PDE4B: variants seen among roughly 807,000 people sequenced by gnomAD.
PDE4B encodes the protein 3',5'-cyclic-AMP phosphodiesterase 4B.
A neutral mutation model predicts 82.2 loss-of-function variants in PDE4B; 20 were observed. That is an observed-to-expected ratio of 0.24 (90% confidence interval 0.17 to 0.35). PDE4B has a LOEUF of 0.35. Ranked by LOEUF, PDE4B falls within the 10% of genes least tolerant of loss-of-function variation. PDE4B has a pLI of 1.00. For missense variants in PDE4B, 655 were observed against 907.2 expected (o/e 0.72, Z 3.57); for synonymous variants, 320 against 318.9 (o/e 1.00, Z -0.04).
At chr1:65,910,639 A>G (rs1245303041) in intron 1 of PDE4B, among the ~76,000 whole-genome samples, 1 of 152,180 alleles carries the variant, frequency 6.6e-6, no homozygotes, top group Non-Finnish European at 1.5e-5. Flanking sequence ...GCTAGCAACA[A>G]TGGGAAGCTG....
At chr1:66,102,470 A>G (rs1374658053) in intron 3 of PDE4B, among the ~76,000 whole-genome samples, 1 of 152,092 alleles carries the variant, frequency 6.6e-6, no homozygotes, top group Admixed American at 6.6e-5. Context: ...TGGTGAAGTG[A>G]GCAGTATTGT....
chr1:65,893,614 T>C (rs1646876390), intron 1 of PDE4B, among the ~76,000 whole-genome samples: 1 of 151,982 alleles, frequency 6.6e-6, no homozygotes, highest in Non-Finnish European at 1.5e-5. Context: ...AAAATAAAAC[T>C]ACCATTCAAT....
At chr1:66,135,484 C>T (rs1201948280) in intron 3 of PDE4B, among the ~76,000 whole-genome samples, 1 of 152,024 alleles carries the variant, frequency 6.6e-6, no homozygotes, top group Non-Finnish European at 1.5e-5. Context: ...AAGAATAGGG[C>T]AATGCTTGGA....
At chr1:66,105,367 G>A (rs538415255) in intron 3 of PDE4B, among the ~76,000 whole-genome samples, 124 of 152,010 alleles carry the variant, frequency 8.2e-4, no homozygotes, top group Admixed American at 2.2e-3. Context: ...TTGAAGTCAG[G>A]TAGCGTGATG....
intron 3 of PDE4B, among the ~76,000 whole-genome samples, chr1:66,033,680 T>A (rs1312248852): frequency 6.7e-6 from 1 of 148,680 alleles, no homozygotes; most frequent in East Asian, 1.9e-4. Flanking sequence ...AAAGGGTAAG[T>A]GTGTCAAGCA....
intron 3 of PDE4B, among the ~76,000 whole-genome samples, chr1:65,929,506 A>G (rs1647710198): frequency 6.6e-6 from 1 of 152,150 alleles, no homozygotes; most frequent in South Asian, 2.1e-4. Context: ...CACTTTCATG[A>G]TAAGAGTTTG....
intron 3 of PDE4B, among the ~76,000 whole-genome samples, chr1:66,217,155 T>C (rs1314697210): frequency 1.3e-5 from 2 of 152,046 alleles, no homozygotes; most frequent in African/African-American, 4.8e-5. Flanking sequence ...CTCTCCCAAG[T>C]GTGTCATTAG....
chr1:65,973,802 G>C (rs1385168683), intron 3 of PDE4B, among the ~76,000 whole-genome samples: 1 of 115,302 alleles, frequency 8.7e-6, no homozygotes, highest in African/African-American at 3.4e-5. Context: ...CATAAATGTA[G>C]CACTGGGTTT....
intron 2 of PDE4B, among the ~76,000 whole-genome samples, chr1:65,917,078 A>G (rs1227277454): frequency 6.6e-6 from 1 of 152,216 alleles, no homozygotes; most frequent in African/African-American, 2.4e-5. Flanking sequence ...TCTTGCATGC[A>G]TCAGATAAGT....
At chr1:66,228,638 A>AAC (rs1553160873) in intron 3 of PDE4B, among the ~76,000 whole-genome samples, 11 of 151,638 alleles carry the variant, frequency 7.3e-5, no homozygotes, top group African/African-American at 2.7e-4. Context: ...AAAAAAAAAA[A>AAC]AAAAACATGC....
intron 3 of PDE4B, among the ~76,000 whole-genome samples, chr1:65,978,965 C>T (rs1230156831): frequency 2.0e-5 from 3 of 152,044 alleles, no homozygotes; most frequent in Non-Finnish European, 4.4e-5. Context: ...TATTTTTGGC[C>T]GTCCAACTCA....
intron 1 of PDE4B, among the ~76,000 whole-genome samples, chr1:65,882,249 G>T (rs764864795): frequency 9.2e-5 from 14 of 152,142 alleles, no homozygotes; most frequent in Non-Finnish European, 1.9e-4. Context: ...GTGTGCATCT[G>T]TTGCTGACTT....
intron 3 of PDE4B, among the ~76,000 whole-genome samples, chr1:66,135,173 TAGC>T (rs1646031795): frequency 6.6e-6 from 1 of 152,206 alleles, no homozygotes; most frequent in African/African-American, 2.4e-5. Flanking sequence ...CATATCAATA[TAGC>T]TGGCACTTAC....
intron 3 of PDE4B, among the ~76,000 whole-genome samples, chr1:65,996,592 G>A (rs1651555686): frequency 6.6e-6 from 1 of 152,028 alleles, no homozygotes; most frequent in Admixed American, 6.6e-5. Flanking sequence ...GTTTCATTTG[G>A]AATATAAGTA....
intron 1 of PDE4B, among the ~76,000 whole-genome samples, chr1:65,878,331 C>T (rs1323932537): frequency 2.0e-5 from 3 of 152,172 alleles, no homozygotes; most frequent in Admixed American, 6.5e-5. Context: ...GGCAATTCCT[C>T]AAGGATCTAG....
chr1:66,348,118 A>G (rs1661546316), intron 8 of PDE4B, among the ~76,000 whole-genome samples: 1 of 152,208 alleles, frequency 6.6e-6, no homozygotes, highest in Admixed American at 6.5e-5. Context: ...TAGAGCTTCT[A>G]GCTGCGAAAT....
intron 3 of PDE4B, among the ~76,000 whole-genome samples, chr1:66,195,292 T>G (rs1262558170): frequency 6.6e-6 from 1 of 152,150 alleles, no homozygotes; most frequent in Non-Finnish European, 1.5e-5. Flanking sequence ...CTTGTGTTCA[T>G]TTCCCTATGT....
chr1:65,876,787 G>A (rs1395578522), intron 1 of PDE4B, among the ~76,000 whole-genome samples: 1 of 151,968 alleles, frequency 6.6e-6, no homozygotes, highest in Non-Finnish European at 1.5e-5. Context: ...TCAAATTAGT[G>A]TGATCATTCA....
At chr1:65,963,907 C>G (rs1649672522) in intron 3 of PDE4B, among the ~76,000 whole-genome samples, 1 of 152,140 alleles carries the variant, frequency 6.6e-6, no homozygotes, top group African/African-American at 2.4e-5. Context: ...TTTACATTTT[C>G]CTCTCTTTTA....
Sources: allele counts gnomAD v4.1 joint callset (sites outside exome capture counted in the v4.1 genomes callset), GRCh38; gene constraint gnomAD v4.1.1; transcripts MANE v1.5; gene names NCBI Gene and HGNC (gene_info 2026-07-23, HGNC 2026-07-21).